The following PEAK1 variants were observed in gnomAD, a reference collection of about 807,000 sequenced individuals.
PEAK1 encodes pseudopodium enriched atypical kinase 1, also known as inactive tyrosine-protein kinase PEAK1.
A neutral mutation model predicts 124.7 loss-of-function variants in PEAK1; 54 were observed. That is an observed-to-expected ratio of 0.43 (90% CI 0.35 to 0.54). The LOEUF (loss-of-function observed/expected upper bound fraction) is 0.54, where lower values mean the gene tolerates loss of function less well. Ranked by LOEUF, PEAK1 falls within the 20% of genes least tolerant of loss-of-function variation. The probability of loss-of-function intolerance (pLI) is 0.01; values close to 1 mark genes in which losing one functional copy is unlikely to be tolerated. For missense variants in PEAK1, 2,046 were observed against 2,134.5 expected, an observed-to-expected ratio of 0.96 and a Z score of 0.82; for synonymous variants, 719 against 760.0, an observed-to-expected ratio of 0.95 and a Z score of 0.89.
intron 1 of PEAK1, among the ~76,000 whole-genome samples, chr15:77,368,294 T>C (rs1425846516): frequency 6.6e-6 from 1 of 152,106 alleles, no homozygotes; most frequent in Non-Finnish European, 1.5e-5. Flanking sequence ...GGCGGGCGGA[T>C]CACCTGAGGT....
At chr15:77,358,325 A>G (rs369645773) in intron 2 of PEAK1, among the ~76,000 whole-genome samples, 1 of 152,112 alleles carries the variant, frequency 6.6e-6, no homozygotes, top group Non-Finnish European at 1.5e-5. Context: ...TAAACTTCTC[A>G]TGAGAGTAGT....
intron 2 of PEAK1, among the ~76,000 whole-genome samples, chr15:77,317,869 G>A (rs932410081): frequency 5.9e-5 from 9 of 152,114 alleles, no homozygotes; most frequent in Non-Finnish European, 1.3e-4. Context: ...ATTGATATAC[G>A]TAACAATTTG....
chr15:77,312,326 T>C (rs1438326477), intron 2 of PEAK1, among the ~76,000 whole-genome samples: 2 of 152,228 alleles, frequency 1.3e-5, no homozygotes, highest in Non-Finnish European at 2.9e-5. Context: ...TCCTATTCTG[T>C]ACATCATTAT....
chr15:77,404,353 TG>T lies in PEAK1; in HGVS notation c.-666+15652del, dbSNP rs2071625102. ...GGACTGTGCTAATACTAGCCACCTG[TG>T]GCTACGAAGCATCTGAAATGCAGCC... On this transcript the variant is annotated intron_variant, in intron 1 of 9. Transcript: ENST00000682557. 9 of 984,112 alleles carry T rather than the reference TG, an allele frequency of 9.1e-6. No homozygotes were observed. In the South Asian group the frequency reaches 3.3e-4, roughly 36 times the overall value. 61.0% of individuals were successfully genotyped at this position (984,112 alleles called of 1,614,324 possible). A position where few individuals can be genotyped will look rare whatever the true frequency, so the allele number is the denominator to read the frequency against.
intron 5 of PEAK1, among the ~76,000 whole-genome samples, chr15:77,273,764 A>G (rs910049728): frequency 1.3e-5 from 2 of 152,148 alleles, no homozygotes; most frequent in Non-Finnish European, 2.9e-5. Flanking sequence ...TTCTTCACAG[A>G]ACTAGAAAAA....
chr15:77,146,088 C>G (rs945380031), intron 8 of PEAK1, among the ~76,000 whole-genome samples: 1 of 152,210 alleles, frequency 6.6e-6, no homozygotes, highest in African/African-American at 2.4e-5. Flanking sequence ...ATCGCCTCCA[C>G]TAGTGCATAG....
intron 7 of PEAK1, among the ~76,000 whole-genome samples, chr15:77,176,766 A>C (rs2056902452): frequency 6.6e-6 from 1 of 152,178 alleles, no homozygotes; most frequent in African/African-American, 2.4e-5. Flanking sequence ...CATGCAGCCA[A>C]AGGAGAGAGT....
At chr15:77,338,634 T>TAAA (rs66627554) in intron 2 of PEAK1, among the ~76,000 whole-genome samples, 1 of 142,354 alleles carries the variant, frequency 7.0e-6, no homozygotes, top group African/African-American at 2.6e-5. Flanking sequence ...GAAAAATCTT[T>TAAA]AAAAAAAAAA....
intron 8 of PEAK1, among the ~76,000 whole-genome samples, chr15:77,137,448 C>T (rs577376249): frequency 4.6e-5 from 7 of 152,222 alleles, no homozygotes; most frequent in Non-Finnish European, 7.3e-5. Context: ...GATGGAGCTG[C>T]CCAAGGCCAT....
chr15:77,143,511 G>A (rs950607525), intron 8 of PEAK1, among the ~76,000 whole-genome samples: 4 of 152,230 alleles, frequency 2.6e-5, no homozygotes, highest in South Asian at 4.1e-4. Context: ...ATCTGGCCCC[G>A]ATATACCTGT....
intron 2 of PEAK1, among the ~76,000 whole-genome samples, chr15:77,313,644 A>ATGTGTGTGTGTGTG (rs1166778709): frequency 6.6e-5 from 5 of 75,400 alleles, no homozygotes; most frequent in Admixed American, 6.3e-4. Flanking sequence ...GTATGTATGT[A>ATGTGTGTGTGTGTG]TGTATGTATG....
At chr15:77,344,855 G>A (rs1380534840) in intron 2 of PEAK1, among the ~76,000 whole-genome samples, 2 of 152,110 alleles carry the variant, frequency 1.3e-5, no homozygotes, top group African/African-American at 2.4e-5. Flanking sequence ...ATTAGTCATT[G>A]TTAATGATTA....
chr15:77,204,976 G>A (rs559101994), intron 6 of PEAK1: 1 of 193,058 alleles, frequency 5.2e-6, no homozygotes, highest in South Asian at 8.8e-5. Flanking sequence ...GGAACAAAGG[G>A]AAAACAGGCC....
intron 1 of PEAK1, among the ~76,000 whole-genome samples, chr15:77,406,834 G>A (rs1043414472): frequency 2.6e-5 from 4 of 152,056 alleles, no homozygotes; most frequent in Admixed American, 6.5e-5. Context: ...TAAGCAAAAA[G>A]AACAAATCTG....
chr15:77,274,264 G>A (rs2062191044), intron 5 of PEAK1, among the ~76,000 whole-genome samples: 1 of 151,982 alleles, frequency 6.6e-6, no homozygotes. Flanking sequence ...CAAAAACAAA[G>A]ATAAATAGAT....
Position 77,179,390 on chromosome 15 carries a change from G to A in PEAK1, c.2537C>T (p.Pro846Leu), listed in dbSNP as rs1323224847. ...DSPTTKVQKD[P>L]SIKPVTPSPS... ...AGAGGGGGTGACTGGCTTTATGGAT[G>A]GGTCTTTCTGTACTTTGGTGGTAGG... Residue 846 changes from proline (P) to leucine (L), a missense_variant, in exon 7 of 10, where the codon CCA becomes CTA. By Grantham distance (98) the Pro-to-Leu change is moderately conservative. Transcript: ENST00000682557. 2 of 1,613,956 alleles carry A rather than the reference G, an allele frequency of 1.2e-6. No homozygotes were observed. The highest frequency in any genetic ancestry group is 1.7e-6 in the Non-Finnish European group (2 of 1,180,010).
At chr15:77,383,559 T>C (rs992371789) in intron 1 of PEAK1, among the ~76,000 whole-genome samples, 1 of 152,216 alleles carries the variant, frequency 6.6e-6, no homozygotes, top group African/African-American at 2.4e-5. Flanking sequence ...GACATCCTTA[T>C]GCTATCGGTG....
chr15:77,338,901 T>A (rs2066364570), intron 2 of PEAK1, among the ~76,000 whole-genome samples: 2 of 151,952 alleles, frequency 1.3e-5, no homozygotes, highest in South Asian at 4.1e-4. Flanking sequence ...ATGTTTTTCC[T>A]TATAGTAAAA....
At chr15:77,321,217 G>T (rs539098177) in intron 2 of PEAK1, among the ~76,000 whole-genome samples, 3,677 of 152,252 alleles carry the variant, frequency 0.024, 140 homozygotes, top group African/African-American at 0.083. Flanking sequence ...TAGTTCTAGA[G>T]CCCTGAGGCA....
Sources: allele counts gnomAD v4.1 joint callset (sites outside exome capture counted in the v4.1 genomes callset), GRCh38; gene constraint gnomAD v4.1.1; transcripts MANE v1.5; gene names NCBI Gene and HGNC (gene_info 2026-07-23, HGNC 2026-07-21).